ABHD2: variants seen among roughly 807,000 people sequenced by gnomAD.
ABHD2 encodes abhydrolase domain containing 2, acylglycerol lipase, also known as monoacylglycerol lipase ABHD2.
ABHD2 carries 20 observed loss-of-function variants against 48.1 expected under a neutral mutation model. That is an observed-to-expected ratio of 0.42 (90% CI 0.29 to 0.60). The LOEUF (loss-of-function observed/expected upper bound fraction) is 0.60. Among genes scored for constraint, ABHD2 ranks in the 20% least tolerant of loss-of-function variants. The pLI is 0.24. For synonymous variants in ABHD2, 209 were observed against 214.2 expected, an observed-to-expected ratio of 0.98 and a Z score of 0.21; for missense variants, 405 against 550.9, an observed-to-expected ratio of 0.74 and a Z score of 2.65.
intron 1 of ABHD2, chr15:89,093,827 G>A (rs551405073): frequency 1.3e-5 from 2 of 152,334 alleles, no homozygotes; most frequent in East Asian, 1.9e-4. Context: ...AAGGTTCTTC[G>A]TATTTGAACT....
intron 3 of ABHD2, among the ~76,000 whole-genome samples, chr15:89,145,656 T>C (rs1039303737): frequency 6.6e-6 from 1 of 152,346 alleles, no homozygotes; most frequent in Non-Finnish European, 1.5e-5. Flanking sequence ...AAATTTCCCC[T>C]TGGGGAAGTT....
In ABHD2 at chr15:89,199,635, C is replaced by A. The variant is rs1365097401; in HGVS notation, c.*4212C>A. On this transcript the variant is annotated 3_prime_UTR_variant, in exon 11 of 11. Transcript: ENST00000352732. This position sits in a 1 kb window ranked among gnomAD's most constrained non-coding sequence, Gnocchi z 4.1. The stretch of plus-strand genomic sequence containing the variant: ...GAGTGATCCAGAACTGGCCCAAACA[C>A]CTCAGCTCTGGTCCCTTTTTGCCCT... The A allele has an allele frequency of 2.6e-5, 4 of 151,592 alleles. No homozygotes were observed. Among genetic ancestry groups the A allele is most frequent in the African/African-American group, 9.8e-5 (4 of 41,018 alleles). The allele number at this position is 151,592 out of a possible 1,614,324, so 9.4% of individuals were successfully genotyped here. A position where few individuals can be genotyped will look rare whatever the true frequency, so the allele number is the denominator to read the frequency against.
At position 89,195,241 on chromosome 15, in the gene ABHD2, G is replaced by A. The variant is rs1330757158; in HGVS notation, c.1096G>A (p.Val366Ile). 11 of 1,613,776 alleles carry A rather than the reference G, an allele frequency of 6.8e-6. No homozygotes were observed. Among genetic ancestry groups the A allele is most frequent in the South Asian group, 1.1e-5 (1 of 91,066 alleles). ...PKSLSEKREN[V>I]MFVLPLHGGH... The stretch of plus-strand genomic sequence containing the variant: ...TTCCCCTGCAGAGAAACGAGAGAAC[G>A]TCATGTTTGTGCTGCCTCTGCATGG... Residue 366 changes from valine to isoleucine, a missense_variant, in exon 11 of 11, where the codon GTC (valine) becomes ATC (isoleucine). Coordinates refer to ENST00000352732, the MANE Select transcript of ABHD2 (RefSeq NM_152924.5). This position sits in a 1 kb window ranked among gnomAD's most constrained non-coding sequence, Gnocchi z 5.1.
intron 5 of ABHD2, among the ~76,000 whole-genome samples, chr15:89,160,490 C>G (rs1209428255): frequency 7.6e-6 from 1 of 132,052 alleles, no homozygotes; most frequent in Non-Finnish European, 1.5e-5. Context: ...GTCTGCCTAC[C>G]TGTTTTTTTT....
chr15:89,180,748 G>A (rs2051096984), intron 6 of ABHD2, among the ~76,000 whole-genome samples: 1 of 152,126 alleles, frequency 6.6e-6, no homozygotes, highest in Admixed American at 6.5e-5. Context: ...CTGCAGGCTG[G>A]GCTGGTCCTG....
In ABHD2 at chr15:89,151,144, C is replaced by A. The variant is rs1014433431; in HGVS notation, c.195-533C>A. Among the ~76,000 whole-genome samples, 2 of 152,210 alleles carry A rather than the reference C, an allele frequency of 1.3e-5. No homozygotes were observed. The highest frequency in any genetic ancestry group is 2.4e-5 in the African/African-American group (1 of 41,458). ...GGAGCATAGAGTAGTGCCCTCACCC[C>A]ACAAGGCACTTACAGGCTCTTAGAA... On this transcript the variant is annotated intron_variant, in intron 3 of 10. Transcript: ENST00000352732. The surrounding 1 kb of genome is among the most constrained non-coding windows in gnomAD (Gnocchi z 4.7).
chr15:89,106,036 A>C lies in ABHD2; in HGVS notation c.-106-7689A>C, dbSNP rs948241833. On this transcript the variant is annotated intron_variant, in intron 1 of 10. Transcript: ENST00000352732. The surrounding 1 kb of genome is among the most constrained non-coding windows in gnomAD (Gnocchi z 4.2). ...TCTTTTAAAACCCAGAGTATTGGCC[A>C]GGTGCAGTAGCTCACGCCTGTAATT... 7.9e-5 allele frequency among the ~76,000 whole-genome samples: 12 copies of C among 152,134 alleles called. No homozygotes were observed. The highest frequency in any genetic ancestry group is 2.4e-4 in the African/African-American group (10 of 41,430).
the ABHD2 span, among the ~76,000 whole-genome samples, chr15:89,066,945 AC>A: frequency 1.3e-5 from 2 of 152,186 alleles, no homozygotes; most frequent in South Asian, 4.1e-4. Context: ...AGGTCACCAT[AC>A]TTAGGGAGTT....
At chr15:89,093,674 C>T (rs1418155925) in intron 1 of ABHD2, 1 of 152,278 alleles carries the variant, frequency 6.6e-6, no homozygotes, top group Non-Finnish European at 1.5e-5. Flanking sequence ...AAGCGTCTTC[C>T]CCAAGCCCAC....
chr15:89,065,783 T>C, the ABHD2 span, among the ~76,000 whole-genome samples: 1 of 152,126 alleles, frequency 6.6e-6, no homozygotes. Flanking sequence ...CCCCATGATA[T>C]AGAAATAACA....
At chr15:89,080,776 C>A in the ABHD2 span, among the ~76,000 whole-genome samples, 1 of 151,578 alleles carries the variant, frequency 6.6e-6, no homozygotes, top group Non-Finnish European at 1.5e-5. Context: ...CTCATTGCAG[C>A]CTCTCACTCC....
rs899923917 is a variant in ABHD2 at position 89,202,143 on chromosome 15, C to G, written c.*6720C>G. ...GCACTGAGGTGTTTAAGATTTGCAA[C>G]TAGCAATGCAATTTTTTCTAAATAT... On this transcript the variant is annotated 3_prime_UTR_variant, in exon 11 of 11. Coordinates refer to ENST00000352732, the MANE Select transcript of ABHD2 (RefSeq NM_152924.5). 8.6e-4 allele frequency: 149 copies of G among 173,136 alleles called. No individual in the cohort carries two copies. Among genetic ancestry groups the G allele is most frequent in the African/African-American group, 3.2e-3 (133 of 41,898 alleles). 10.7% of individuals were successfully genotyped at this position (173,136 alleles called of 1,614,324 possible). A position where few individuals can be genotyped will look rare whatever the true frequency, so the allele number is the denominator to read the frequency against.
At chr15:89,047,590 G>A in the ABHD2 span, among the ~76,000 whole-genome samples, 7 of 149,032 alleles carry the variant, frequency 4.7e-5, no homozygotes, top group African/African-American at 1.8e-4. Flanking sequence ...CCTGTATTGG[G>A]TGCATATATA....
rs2051244140 is a variant in ABHD2 at position 89,188,215 on chromosome 15, GTTA to G, written c.839_841del (p.Val280_Lys281delinsGlu). ...TAGGCAAGCTCTTTTTGGAGACCAT[GTTA>G]AGAAACCCCAGAGCCTGGAAGACAC... On this transcript the variant is annotated inframe_deletion, in exon 8 of 11. Transcript: ENST00000352732. The surrounding 1 kb of genome is among the most constrained non-coding windows in gnomAD (Gnocchi z 4.1). The G allele has an allele frequency of 6.2e-7, 1 of 1,614,102 alleles. No homozygotes were observed. The highest frequency in any genetic ancestry group is 8.5e-7 in the Non-Finnish European group (1 of 1,180,044).
intron 3 of ABHD2, among the ~76,000 whole-genome samples, chr15:89,131,207 C>G (rs1029808645): frequency 1.3e-5 from 2 of 152,176 alleles, no homozygotes; most frequent in Non-Finnish European, 2.9e-5. Context: ...CAGCATCAGC[C>G]CTCGCTCCTT....
At chr15:89,048,703 T>C in the ABHD2 span, among the ~76,000 whole-genome samples, 1 of 152,138 alleles carries the variant, frequency 6.6e-6, no homozygotes, top group Non-Finnish European at 1.5e-5. Context: ...CTCCTGAGGC[T>C]TCTGCATTCT....
the ABHD2 span, among the ~76,000 whole-genome samples, chr15:89,056,908 C>CTTTTTT: frequency 9.1e-5 from 8 of 87,436 alleles, no homozygotes; most frequent in Non-Finnish European, 1.0e-4. Flanking sequence ...TAAGTGATAC[C>CTTTTTT]TTTTTTTTTT....
intron 1 of ABHD2, among the ~76,000 whole-genome samples, chr15:89,107,259 C>T (rs1230005580): frequency 6.6e-6 from 1 of 152,150 alleles, no homozygotes; most frequent in Non-Finnish European, 1.5e-5. Flanking sequence ...ATGATCACCA[C>T]TTAGTATCCA....
At position 89,164,709 on chromosome 15, in the gene ABHD2, C is replaced by T. The variant is rs2050811839; in HGVS notation, c.538+9175C>T. ...CAAAGGCAGGAGAATCGCTTGAGCC[C>T]AGGAGTGCAGTGAGCCAAGATTACG... On this transcript the variant is annotated intron_variant, in intron 5 of 10. Coordinates refer to ENST00000352732, the MANE Select transcript of ABHD2 (RefSeq NM_152924.5). The surrounding 1 kb of genome is among the most constrained non-coding windows in gnomAD (Gnocchi z 5.0). Among the ~76,000 whole-genome samples the T allele has an allele frequency of 6.6e-6, 1 of 151,764 alleles. No individual in the cohort carries two copies. Among genetic ancestry groups the T allele is most frequent in the Non-Finnish European group, 1.5e-5 (1 of 67,984 alleles).
Sources: allele counts gnomAD v4.1 joint callset (sites outside exome capture counted in the v4.1 genomes callset), GRCh38; gene constraint gnomAD v4.1.1; non-coding constraint Gnocchi (gnomAD v3.1); transcripts MANE v1.5; gene names NCBI Gene and HGNC (gene_info 2026-07-23, HGNC 2026-07-21).